The following IL1RAPL2 variants were observed in gnomAD, a reference collection of about 807,000 sequenced individuals.
IL1RAPL2 encodes interleukin 1 receptor accessory protein like 2.
IL1RAPL2 carries 3 observed loss-of-function variants against 44.1 expected under a neutral mutation model. The ratio of observed to expected loss-of-function variants is 0.07; its 90% CI spans 0.03 to 0.18. The LOEUF (loss-of-function observed/expected upper bound fraction) is 0.18. Among genes scored for constraint, IL1RAPL2 ranks in the 10% least tolerant of loss-of-function variants. The pLI is 1.00. For synonymous variants in IL1RAPL2, 181 were observed against 178.8 expected (o/e 1.01, Z -0.10); for missense variants, 391 against 496.4 (o/e 0.79, Z 2.02).
At chrX:105,162,225 C>T (rs1467774309) in intron 2 of IL1RAPL2, among the ~76,000 whole-genome samples, 1 of 111,753 alleles carries the variant, frequency 8.9e-6, no homozygotes, top group Non-Finnish European at 1.9e-5. Flanking sequence ...GTTGTAATAC[C>T]GTGAACTCTC....
intron 5 of IL1RAPL2, among the ~76,000 whole-genome samples, chrX:105,318,146 C>G (rs867264784): frequency 5.4e-5 from 6 of 110,180 alleles, no homozygotes; most frequent in Admixed American, 1.9e-4. Context: ...CTAATTTTTT[C>G]TATTTTTTAG....
chrX:105,319,789 G>A, intron 5 of IL1RAPL2, among the ~76,000 whole-genome samples: 1 of 111,955 alleles, frequency 8.9e-6, no homozygotes, highest in Middle Eastern at 4.6e-3. Flanking sequence ...ATAACGCTGT[G>A]CACACTCATA....
intron 5 of IL1RAPL2, among the ~76,000 whole-genome samples, chrX:105,299,461 G>C (rs1200044192): frequency 9.0e-6 from 1 of 111,200 alleles, no homozygotes; most frequent in Non-Finnish European, 1.9e-5. Flanking sequence ...ATCATTGATT[G>C]GTCAAAGAGT....
intron 2 of IL1RAPL2, among the ~76,000 whole-genome samples, chrX:104,935,319 T>C (rs1382905066): frequency 1.8e-5 from 2 of 112,399 alleles, no homozygotes; most frequent in Non-Finnish European, 3.8e-5. Flanking sequence ...GGGCCAATTG[T>C]AGTTCTTTCT....
At chrX:105,154,933 A>C (rs2033257338) in intron 2 of IL1RAPL2, among the ~76,000 whole-genome samples, 1 of 111,689 alleles carries the variant, frequency 9.0e-6, no homozygotes, top group Admixed American at 9.6e-5. Context: ...CTACCTTTAA[A>C]ATTTTAATGG....
At chrX:104,686,461 A>G (rs1429869997) in intron 2 of IL1RAPL2, among the ~76,000 whole-genome samples, 4 of 111,867 alleles carry the variant, frequency 3.6e-5, no homozygotes, top group Admixed American at 9.5e-5. Flanking sequence ...TATTAAAAAA[A>G]TCTATTGATC....
At chrX:105,502,241 A>G (rs1404879432) in intron 6 of IL1RAPL2, among the ~76,000 whole-genome samples, 2 of 112,018 alleles carry the variant, frequency 1.8e-5, no homozygotes. Context: ...TTTTTCTTCC[A>G]TATAGTCCTT....
At chrX:104,689,612 G>C (rs1160519482) in intron 2 of IL1RAPL2, among the ~76,000 whole-genome samples, 1 of 111,965 alleles carries the variant, frequency 8.9e-6, no homozygotes. Flanking sequence ...TGCTGGTATA[G>C]CTTCCGTTGA....
At chrX:105,363,308 A>ATAATAT (rs1491419366) in intron 5 of IL1RAPL2, among the ~76,000 whole-genome samples, 4 of 68,567 alleles carry the variant, frequency 5.8e-5, no homozygotes, top group Non-Finnish European at 9.2e-5. Context: ...ATATATATAT[A>ATAATAT]ATATATATAT....
chrX:104,761,881 C>T (rs866358723), intron 2 of IL1RAPL2, among the ~76,000 whole-genome samples: 1 of 49,371 alleles, frequency 2.0e-5, no homozygotes, highest in African/African-American at 1.2e-4. Context: ...TTCTCCTTCT[C>T]CTTCTCCTTC....
At chrX:105,352,082 C>T (rs1358651657) in intron 5 of IL1RAPL2, among the ~76,000 whole-genome samples, 1 of 107,711 alleles carries the variant, frequency 9.3e-6, no homozygotes, top group Non-Finnish European at 1.9e-5. Context: ...GCCACCACAT[C>T]CAGCTAATTT....
At chrX:104,590,052 G>GT (rs1181096369) in intron 1 of IL1RAPL2, among the ~76,000 whole-genome samples, 17 of 111,212 alleles carry the variant, frequency 1.5e-4, no homozygotes, top group African/African-American at 4.6e-4. Flanking sequence ...TTGTTTGTTT[G>GT]TTGTTTGTTT....
intron 4 of IL1RAPL2, among the ~76,000 whole-genome samples, chrX:105,235,284 G>A (rs1314894611): frequency 8.9e-6 from 1 of 111,871 alleles, no homozygotes; most frequent in Non-Finnish European, 1.9e-5. Context: ...GGGGCCCACG[G>A]TCTTGTAACA....
chrX:105,397,839 T>A (rs1233940555), intron 5 of IL1RAPL2, among the ~76,000 whole-genome samples: 2 of 111,435 alleles, frequency 1.8e-5, no homozygotes, highest in African/African-American at 6.5e-5. Context: ...TTAAGATCAT[T>A]TCTTGATTTA....
chrX:105,164,286 A>G (rs1475923721), intron 2 of IL1RAPL2, among the ~76,000 whole-genome samples: 1 of 111,397 alleles, frequency 9.0e-6, no homozygotes, highest in Admixed American at 9.6e-5. Context: ...ACCAGACTGA[A>G]TTATGGTTAA....
chrX:105,038,972 G>A (rs1602911968), intron 2 of IL1RAPL2, among the ~76,000 whole-genome samples: 1 of 111,181 alleles, frequency 9.0e-6, no homozygotes, highest in African/African-American at 3.3e-5. Flanking sequence ...TTTCAATAAG[G>A]GAATATCAAT....
intron 2 of IL1RAPL2, among the ~76,000 whole-genome samples, chrX:104,821,182 G>C (rs1267244007): frequency 9.0e-6 from 1 of 111,725 alleles, no homozygotes; most frequent in Non-Finnish European, 1.9e-5. Context: ...ATCTAGAACT[G>C]AGCAGAAATA....
intron 2 of IL1RAPL2, among the ~76,000 whole-genome samples, chrX:104,933,707 G>C (rs927623218): frequency 4.5e-5 from 5 of 111,405 alleles, no homozygotes; most frequent in African/African-American, 1.6e-4. Context: ...TCCAATCTTA[G>C]TCCAAAGAAG....
intron 2 of IL1RAPL2, among the ~76,000 whole-genome samples, chrX:104,841,762 T>A (rs1241571839): frequency 8.9e-6 from 1 of 111,919 alleles, no homozygotes; most frequent in African/African-American, 3.2e-5. Context: ...AGACCCACTG[T>A]TAGTCTGATG....
Sources: gnomAD v4.1 joint callset for allele counts (sites outside exome capture counted in the v4.1 genomes callset) on GRCh38, gnomAD v4.1.1 for gene constraint, MANE v1.5 for transcripts, NCBI Gene and HGNC (gene_info 2026-07-23, HGNC 2026-07-21) for gene names.